Variants in KDM6B observed in about 807,000 individuals in gnomAD.
KDM6B encodes the protein lysine-specific demethylase 6B.
In KDM6B, 22 loss-of-function variants were observed where a neutral mutation model predicts 150.4. That is an observed-to-expected ratio of 0.15 (90% confidence interval 0.10 to 0.21). The LOEUF (loss-of-function observed/expected upper bound fraction) is 0.21, where lower values mean the gene tolerates loss of function less well. Among genes scored for constraint, KDM6B ranks in the 10% least tolerant of loss-of-function variants. The probability of loss-of-function intolerance (pLI) is 1.00; values close to 1 mark genes in which losing one functional copy is unlikely to be tolerated. For synonymous variants in KDM6B, 1,148 were observed against 921.1 expected (o/e 1.25, Z -4.46); for missense variants, 1,984 against 2,234.3 (o/e 0.89, Z 2.26).
Position 7,852,043 on chromosome 17 carries a change from A to G in KDM6B, c.4258A>G (p.Thr1420Ala), listed in dbSNP as rs1467902738. The G allele has an allele frequency of 2.5e-6, 4 of 1,613,994 alleles. No homozygotes were observed. The highest frequency in any genetic ancestry group is 3.4e-6 in the Non-Finnish European group (4 of 1,179,988). Residue 1420 changes from threonine (T) to alanine (A), a missense_variant, in exon 19 of 24, where the codon ACC (threonine) becomes GCC (alanine). Coordinates refer to ENST00000448097, the MANE Select transcript of KDM6B (RefSeq NM_001348716.2). ...CGCGGTGCACGAGCACTACTGGGAG[A>G]CCATCAGCGCTTTCTGTGATCGGTG... ...WFAVHEHYWETISAFCDRHGV... is the reference protein window; with the variant it reads ...WFAVHEHYWEAISAFCDRHGV...
Position 7,847,214 on chromosome 17 carries a change from GC to G in KDM6B, c.1025del (p.Pro342GlnfsTer145). The stretch of plus-strand genomic sequence containing the variant: ...GCTGCTCCCCCAGGCCCAGGCCCCC[GC>G]CCCCCAGGAGCAGAGAGCCATGGCT... ...VPAAPPGPGP[R>X]PPGAESHGCL... On this transcript the variant is annotated frameshift_variant, in exon 11 of 24. Coordinates refer to ENST00000448097, the MANE Select transcript of KDM6B (RefSeq NM_001348716.2). LOFTEE classifies it high-confidence loss of function. 2 of 965,074 alleles carry G rather than the reference GC, an allele frequency of 2.1e-6. No individual in the cohort carries two copies. Among genetic ancestry groups the G allele is most frequent in the Non-Finnish European group, 1.3e-6 (1 of 747,906 alleles). The allele number at this position is 965,074 out of a possible 1,614,324, so 59.8% of individuals were successfully genotyped here. A position where few individuals can be genotyped will look rare whatever the true frequency, so the allele number is the denominator to read the frequency against.
chr17:7,853,769 C>CCTCCCCTCACCGA lies in KDM6B; in HGVS notation c.*251_*263dup. 4 of 302,746 alleles carry CCTCCCCTCACCGA rather than the reference C, an allele frequency of 1.3e-5. No individual in the cohort carries two copies. Among genetic ancestry groups the CCTCCCCTCACCGA allele is most frequent in the Non-Finnish European group, 2.4e-5 (4 of 165,558 alleles). 18.8% of individuals were successfully genotyped at this position (302,746 alleles called of 1,614,324 possible). A position where few individuals can be genotyped will look rare whatever the true frequency, so the allele number is the denominator to read the frequency against. ...GCTGGCAGCCCCTCGCCCACCAGCG[C>CCTCCCCTCACCGA]CTCCCCTCACCGACTTTGGCCTTTT... On this transcript the variant is annotated 3_prime_UTR_variant, in exon 24 of 24. Transcript: ENST00000448097.
In KDM6B at chr17:7,851,941, A is replaced by G. The variant is rs576095002; in HGVS notation, c.4166-10A>G. 6.2e-7 allele frequency: 1 copy of G among 1,612,822 alleles called. No individual in the cohort carries two copies. Among genetic ancestry groups the G allele is most frequent in the Non-Finnish European group, 8.5e-7 (1 of 1,179,300 alleles). ...TGGCCAGCCATGCCGTTCTCTGTCG[A>G]CCCCTGCAGGCCACCAGGAGAATAA... is the stretch of plus-strand genomic sequence containing the variant. On this transcript the variant is annotated splice_polypyrimidine_tract_variant and intron_variant, in intron 18 of 23. Transcript: ENST00000448097.
chr17:7,848,678 C>G lies in KDM6B; in HGVS notation c.2390C>G (p.Pro797Arg). The G allele has an allele frequency of 1.9e-6, 3 of 1,611,188 alleles. No individual in the cohort carries two copies. The highest frequency in any genetic ancestry group is 2.5e-6 in the Non-Finnish European group (3 of 1,179,542). Residue 797 changes from proline (P) to arginine (R), a missense_variant, in exon 12 of 24, where the codon CCC becomes CGC. Coordinates refer to ENST00000448097, the MANE Select transcript of KDM6B (RefSeq NM_001348716.2). Reference protein sequence around the residue: ...PSQPQPPPPPPPSPASLLKSL... With the variant: ...PSQPQPPPPPRPSPASLLKSL... ...CAGCCACAGCCACCACCACCCCCACCCCCCAGCCCGGCCAGCCTGCTCAAA... is the reference window on the plus strand; with the variant it reads ...CAGCCACAGCCACCACCACCCCCACGCCCCAGCCCGGCCAGCCTGCTCAAA...
At chr17:7,850,039 G>A in intron 13 of KDM6B, 33 bp from the exon 14 acceptor site, 2 of 1,613,322 alleles carry the variant, frequency 1.2e-6, no homozygotes, top group Non-Finnish European at 1.7e-6. Flanking sequence ...CTGGGCCAGG[G>A]CTCTGACCCC....
chr17:7,848,214 G>A lies in KDM6B; in HGVS notation c.1926G>A (p.Pro642=), dbSNP rs769326094. 9 of 1,608,234 alleles carry A rather than the reference G, an allele frequency of 5.6e-6. No homozygotes were observed. Among genetic ancestry groups the A allele is most frequent in the South Asian group, 5.5e-5 (5 of 90,986 alleles). ...TCCCAAAGACCCCCGAGGTGGGGCC[G>A]GGGCCACCCCCAGGCCCCCTGAGTA... ...VSFPKTPEVG[P]GPPPGPLSKA... The change falls in exon 12 of 24, where the codon CCG becomes CCA. Residue 642 remains proline, a synonymous_variant. Coordinates refer to ENST00000448097, the MANE Select transcript of KDM6B (RefSeq NM_001348716.2).
At position 7,845,887 on chromosome 17, in the gene KDM6B, T is replaced by C; in HGVS notation, c.153T>C (p.Ile51=). The C allele has an allele frequency of 6.2e-7, 1 of 1,613,888 alleles. No individual in the cohort carries two copies. The highest frequency in any genetic ancestry group is 2.2e-5 in the East Asian group (1 of 44,878). Residue 51 remains isoleucine, a synonymous_variant, in exon 6 of 24, where the codon ATT becomes ATC. Coordinates refer to ENST00000448097, the MANE Select transcript of KDM6B (RefSeq NM_001348716.2). ...CTCTCTCCAGATGCTCAGCCAGCAT[T>C]GGGCAGCCCCCGCTTCCTGCTCCCC... ...WLPGGRCSAS[I]GQPPLPAPLP...
chr17:7,844,212 G>A lies in KDM6B; in HGVS notation c.-268-689G>A, dbSNP rs117317438. ...CGGCGGGGAAGGGCAGAGAGGATACGCGAGCCACGAGAGAGGGGCCACTCG... is the reference window on the plus strand; with the variant it reads ...CGGCGGGGAAGGGCAGAGAGGATACACGAGCCACGAGAGAGGGGCCACTCG... On this transcript the variant is annotated intron_variant, in intron 2 of 23. Transcript: ENST00000448097. This position sits in a 1 kb window ranked among gnomAD's most constrained non-coding sequence, Gnocchi z 5.9. 0.023 allele frequency: 3,530 copies of A among 152,290 alleles called. 63 individuals carry two copies. The highest frequency in any genetic ancestry group is 0.12 in the Middle Eastern group (34 of 294). The allele number at this position is 152,290 out of a possible 1,614,324, so 9.4% of individuals were successfully genotyped here.
chr17:7,842,009 C>T (rs943087471), intron 2 of KDM6B, among the ~76,000 whole-genome samples: 1 of 152,214 alleles, frequency 6.6e-6, no homozygotes, highest in African/African-American at 2.4e-5. Context: ...CACCTCGGCG[C>T]GCGCGCAGCA....
intron 2 of KDM6B, among the ~76,000 whole-genome samples, chr17:7,842,051 A>G (rs1188284520): frequency 1.3e-5 from 2 of 152,206 alleles, no homozygotes; most frequent in East Asian, 3.9e-4. Flanking sequence ...GTAAAACCCT[A>G]TCTGCGGGCT....
intron 15 of KDM6B, 46 bp from the exon 16 acceptor site, chr17:7,851,284 C>T (rs1291109784): frequency 1.2e-6 from 2 of 1,613,586 alleles, no homozygotes; most frequent in African/African-American, 1.3e-5. Context: ...TGGGAGGGCT[C>T]TCGAAAGGTC....
Position 7,852,966 on chromosome 17 carries a change from C to T in KDM6B, c.4611-34C>T, listed in dbSNP as rs200703724. On this transcript the variant is annotated intron_variant, in intron 21 of 23. Transcript: ENST00000448097. ...AGCCCTGCCTCAGGCCTCCTCCTTG[C>T]CGGTGGTCTCAACACAACCCCACTG... is the stretch of plus-strand genomic sequence containing the variant. The T allele has an allele frequency of 4.3e-6, 7 of 1,613,306 alleles. No homozygotes were observed. In the Admixed American group the frequency reaches 1.2e-4, roughly 27 times the overall value.
chr17:7,835,628 G>A (rs541982964), intron 1 of KDM6B, among the ~76,000 whole-genome samples: 1 of 152,220 alleles, frequency 6.6e-6, no homozygotes, highest in Admixed American at 6.5e-5. Flanking sequence ...CAGGGCCCTG[G>A]CAGCCAATGG....
chr17:7,849,511 C>T lies in KDM6B; in HGVS notation c.3223C>T (p.Arg1075Trp), dbSNP rs780147724. ...AGCCTCTGTCCCTGGAAAGAAGGCT[C>T]GGGAGGAAGCCCCAGGGCCACCGGG... ...PSASVPGKKA[R>W]EEAPGPPGVS... The change falls in exon 12 of 24, where the codon CGG (arginine) becomes TGG (tryptophan). Residue 1075 changes from arginine to tryptophan, a missense_variant. Physicochemically the swap from Arg to Trp is moderately radical, Grantham distance 101. Coordinates refer to ENST00000448097, the MANE Select transcript of KDM6B (RefSeq NM_001348716.2). 1.1e-5 allele frequency: 18 copies of T among 1,612,702 alleles called. No homozygotes were observed. Among genetic ancestry groups the T allele is most frequent in the South Asian group, 2.2e-5 (2 of 91,068 alleles).
At chr17:7,841,860 C>T (rs2078420492) in intron 2 of KDM6B, among the ~76,000 whole-genome samples, 1 of 152,100 alleles carries the variant, frequency 6.6e-6, no homozygotes, top group African/African-American at 2.4e-5. Flanking sequence ...GTGGCTGAGT[C>T]ACAGCGGAGC....
In KDM6B at chr17:7,845,471, G is replaced by C; in HGVS notation, c.-6+15G>C. On this transcript the variant is annotated intron_variant, in intron 4 of 23. Transcript: ENST00000448097. ...CTGCTGACCTGGTAAGGGAAACTCT[G>C]GGGCCGAGCTGGCTGGATGTACACT... 1.3e-6 allele frequency: 2 copies of C among 1,570,224 alleles called. No homozygotes were observed. The highest frequency in any genetic ancestry group is 1.8e-6 in the Non-Finnish European group (2 of 1,141,286).
At chr17:7,845,270 C>A in intron 3 of KDM6B, 44 bp from the exon 4 acceptor site, 1 of 564,930 alleles carries the variant, frequency 1.8e-6, no homozygotes, top group South Asian at 2.0e-5. Context: ...TGGGCCTTGA[C>A]TGTGTGCTGG....
In KDM6B at chr17:7,845,922, C is replaced by T; in HGVS notation, c.188C>T (p.Ser63Leu). 6.2e-7 allele frequency: 1 copy of T among 1,614,166 alleles called. No individual in the cohort carries two copies. The highest frequency in any genetic ancestry group is 8.5e-7 in the Non-Finnish European group (1 of 1,179,966). ...CCGCTTCCTGCTCCCCTACCCCCTT[C>T]ACATGGCAGTAGTTCTGGGCACCCC... is the stretch of plus-strand genomic sequence containing the variant. ...QPPLPAPLPP[S>L]HGSSSGHPSK... The change falls in exon 6 of 24, where the codon TCA becomes TTA. Residue 63 changes from serine (S) to leucine (L), a missense_variant. Ser to Leu is a moderately radical substitution (Grantham distance 145). This residue lies in a region of KDM6B where 337 missense variants were observed against 323.9 expected (regional missense o/e 1.04). Transcript: ENST00000448097.
rs1422895520 is a variant in KDM6B at position 7,848,438 on chromosome 17, C to T, written c.2150C>T (p.Ala717Val). ...GAAGAGGAACAGCAACAACACGAAG[C>T]AGGCGTGGCCCCCCAACCCCCGCTG... ...RKEEEQQQHE[A>V]GVAPQPPLKE... The change falls in exon 12 of 24, where the codon GCA (alanine) becomes GTA (valine). Residue 717 changes from alanine (A) to valine (V), a missense_variant. Transcript: ENST00000448097. 5 of 1,612,854 alleles carry T rather than the reference C, an allele frequency of 3.1e-6. No individual in the cohort carries two copies. In the African/African-American group the frequency reaches 6.7e-5, roughly 22 times the overall value.
Sources: gnomAD v4.1 joint callset for allele counts (sites outside exome capture counted in the v4.1 genomes callset) on GRCh38, gnomAD v4.1.1 for gene constraint, gnomAD v4.1.1 regional missense constraint, Gnocchi (gnomAD v3.1) non-coding constraint, MANE v1.5 for transcripts, NCBI Gene and HGNC (gene_info 2026-07-23, HGNC 2026-07-21) for gene names.